Variants in TYW3 observed in about 807,000 individuals in gnomAD.
TYW3 encodes tRNA-yW synthesizing protein 3 homolog, also known as tRNA wybutosine-synthesizing protein 3 homolog.
Under a neutral mutation model 23.1 loss-of-function variants are expected in TYW3, and 26 were observed. The ratio of observed to expected loss-of-function variants is 1.13; its 90% CI spans 0.83 to 1.56. TYW3 has a LOEUF of 1.56. Ranked by LOEUF, TYW3 falls within the 40% of genes most tolerant of loss-of-function variation. The probability of loss-of-function intolerance (pLI) is 0.00; values close to 1 mark genes in which losing one functional copy is unlikely to be tolerated. For synonymous variants in TYW3, 102 were observed against 105.7 expected (o/e 0.97, Z 0.21); for missense variants, 316 against 311.9 (o/e 1.01, Z -0.10).
chr1:74,743,702 G>A (rs1233232181), intron 3 of TYW3, among the ~76,000 whole-genome samples: 1 of 152,174 alleles, frequency 6.6e-6, no homozygotes, highest in Non-Finnish European at 1.5e-5. Context: ...GAGCCATACT[G>A]GGGATGGCTT....
At chr1:74,753,059 GT>G (rs1648843489) in intron 5 of TYW3, among the ~76,000 whole-genome samples, 1 of 152,188 alleles carries the variant, frequency 6.6e-6, no homozygotes, top group South Asian at 2.1e-4. Flanking sequence ...CAAGAATAAA[GT>G]TTATATATAA....
chr1:74,733,278 G>T lies in TYW3; in HGVS notation c.34G>T (p.Ala12Ser), dbSNP rs989805569. Residue 12 changes from alanine to serine, a missense_variant, in exon 1 of 6, where the codon GCG (alanine) becomes TCG (serine). Physicochemically the swap from Ala to Ser is moderately conservative, Grantham distance 99. Transcript: ENST00000370867. ...DRSAEFRKWKAQCLSKADLSR... is the reference protein window; with the variant it reads ...DRSAEFRKWKSQCLSKADLSR... Reference sequence around the variant, plus strand: ...CAGCGCGGAGTTCAGGAAATGGAAGGCGCAATGTTTGAGCAAAGCGGACCT... The same window carrying T: ...CAGCGCGGAGTTCAGGAAATGGAAGTCGCAATGTTTGAGCAAAGCGGACCT... The T allele has an allele frequency of 6.2e-7, 1 of 1,614,068 alleles. No homozygotes were observed. The highest frequency in any genetic ancestry group is 1.3e-5 in the African/African-American group (1 of 74,934).
At chr1:74,742,373 C>T (rs1648392561) in intron 3 of TYW3, among the ~76,000 whole-genome samples, 1 of 152,140 alleles carries the variant, frequency 6.6e-6, no homozygotes, top group African/African-American at 2.4e-5. Context: ...AAGTATTTTC[C>T]ACTGGCTGGC....
At chr1:74,736,461 G>A (rs1477644831) in intron 1 of TYW3, 81 bp from the exon 2 acceptor site, 9 of 930,706 alleles carry the variant, frequency 9.7e-6, no homozygotes, top group Non-Finnish European at 1.4e-5. Context: ...ATTTAAGAAA[G>A]CCTACAATAT....
intron 3 of TYW3, among the ~76,000 whole-genome samples, chr1:74,743,080 G>A (rs1390038354): frequency 6.6e-6 from 1 of 152,166 alleles, no homozygotes; most frequent in African/African-American, 2.4e-5. Flanking sequence ...CTCAGAGAAC[G>A]TTTGTTCTCT....
intron 3 of TYW3, among the ~76,000 whole-genome samples, chr1:74,744,136 G>A (rs1472119940): frequency 6.6e-6 from 1 of 152,136 alleles, no homozygotes; most frequent in Non-Finnish European, 1.5e-5. Context: ...TTAATAGGAA[G>A]GGGAGCTATA....
At chr1:74,754,204 G>A (rs1464834781) in intron 5 of TYW3, among the ~76,000 whole-genome samples, 3 of 152,090 alleles carry the variant, frequency 2.0e-5, no homozygotes, top group African/African-American at 7.2e-5. Context: ...ATTTTAACAA[G>A]CTTATAAATA....
At position 74,766,491 on chromosome 1, in the gene TYW3, AT is replaced by A. The variant is rs1396761595; in HGVS notation, c.*2379del. 1 of 151,938 alleles carries A rather than the reference AT, an allele frequency of 6.6e-6. No individual in the cohort carries two copies. The highest frequency in any genetic ancestry group is 1.5e-5 in the Non-Finnish European group (1 of 67,980). The allele number at this position is 151,938 out of a possible 1,614,324, so 9.4% of individuals were successfully genotyped here. On this transcript the variant is annotated 3_prime_UTR_variant, in exon 6 of 6. Transcript: ENST00000370867. ...AGTTTTTCACAAAAAGGTTTTTCCA[AT>A]GTTAAAAAAAATATATAAAAAAGCT...
chr1:74,755,339 G>A (rs188738797), intron 5 of TYW3, among the ~76,000 whole-genome samples: 42 of 152,158 alleles, frequency 2.8e-4, no homozygotes, highest in Admixed American at 1.8e-3. Flanking sequence ...ACTAACTCTC[G>A]ATTCCTCGTA....
rs530066554 is a variant in TYW3 at position 74,756,784 on chromosome 1, C to G, written c.560+4359C>G. ...GGAAAATGTCTCTAGGGCATGTCAG[C>G]GGTCTTCACAGCAGTCCCTCCCATC... On this transcript the variant is annotated intron_variant, in intron 5 of 5. Coordinates refer to ENST00000370867, the MANE Select transcript of TYW3 (RefSeq NM_138467.3). Among the ~76,000 whole-genome samples, 5 of 152,334 alleles carry G rather than the reference C, an allele frequency of 3.3e-5. No individual in the cohort carries two copies. The East Asian group carries it at 9.7e-4, about 29-fold the overall frequency.
chr1:74,747,284 G>A (rs529013398), intron 3 of TYW3, among the ~76,000 whole-genome samples: 85 of 152,244 alleles, frequency 5.6e-4, no homozygotes, highest in African/African-American at 1.8e-3. Context: ...AGAAAGCATC[G>A]GGGCTATCTA....
chr1:74,757,436 C>A (rs1410431608), intron 5 of TYW3, among the ~76,000 whole-genome samples: 1 of 152,210 alleles, frequency 6.6e-6, no homozygotes, highest in Non-Finnish European at 1.5e-5. Flanking sequence ...CAAAGGAGAT[C>A]ATTTTGGAGC....
intron 3 of TYW3, among the ~76,000 whole-genome samples, chr1:74,742,321 C>T (rs556970491): frequency 7.9e-5 from 12 of 152,278 alleles, no homozygotes; most frequent in East Asian, 5.8e-4. Context: ...CCATTTGATG[C>T]GTGTTTTCAA....
Position 74,748,814 on chromosome 1 carries a change from A to G in TYW3, c.418A>G (p.Thr140Ala), listed in dbSNP as rs774095411. ...CATAACGGTGGGAAAGAGAGGAAAA[A>G]CTATGTTGGTAAGATATTTTGTCAA... is the stretch of plus-strand genomic sequence containing the variant. ...SGITVGKRGK[T>A]MLAVRSTHGL... is the part of the protein sequence containing the mutation. The change falls in exon 4 of 6, where the codon ACT becomes GCT. Residue 140 changes from threonine to alanine, a missense_variant. Thr to Ala is a moderately conservative substitution (Grantham distance 58). Transcript: ENST00000370867. The G allele has an allele frequency of 1.4e-5, 23 of 1,613,806 alleles. No individual in the cohort carries two copies. The highest frequency in any genetic ancestry group is 1.8e-5 in the Non-Finnish European group (21 of 1,179,890).
chr1:74,739,501 G>A (rs1304035448), intron 3 of TYW3, among the ~76,000 whole-genome samples: 1 of 152,228 alleles, frequency 6.6e-6, no homozygotes, highest in Non-Finnish European at 1.5e-5. Context: ...AAGACTTAAA[G>A]GAACAGAAAG....
Position 74,738,715 on chromosome 1 carries a change from G to A in TYW3, c.281G>A (p.Gly94Asp). 1 of 1,608,706 alleles carries A rather than the reference G, an allele frequency of 6.2e-7. No individual in the cohort carries two copies. The highest frequency in any genetic ancestry group is 8.5e-7 in the Non-Finnish European group (1 of 1,176,018). ...DVIVALKKAN[G>D]DATLKFEPFV... is the part of the protein sequence containing the mutation. ...ATTGTAGCTCTGAAGAAAGCAAATGGTGATGCCACTTTGAAATTTGAACCA... is the reference window on the plus strand; with the variant it reads ...ATTGTAGCTCTGAAGAAAGCAAATGATGATGCCACTTTGAAATTTGAACCA... The change falls in exon 3 of 6, where the codon GGT becomes GAT. Residue 94 changes from glycine to aspartate, a missense_variant. Gly to Asp is a moderately conservative substitution (Grantham distance 94, BLOSUM62 -1). Coordinates refer to ENST00000370867, the MANE Select transcript of TYW3 (RefSeq NM_138467.3).
intron 5 of TYW3, among the ~76,000 whole-genome samples, chr1:74,756,028 C>T (rs191905683): frequency 2.9e-4 from 44 of 152,334 alleles, no homozygotes; most frequent in African/African-American, 9.9e-4. Context: ...GTTCTCTTCA[C>T]TTGCCTGCTG....
chr1:74,748,298 C>A (rs1648658775), intron 3 of TYW3, among the ~76,000 whole-genome samples: 1 of 152,212 alleles, frequency 6.6e-6, no homozygotes, highest in Admixed American at 6.5e-5. Flanking sequence ...ACAAAGTCAC[C>A]TCAGTCAGAT....
chr1:74,739,726 G>A (rs552463341), intron 3 of TYW3, among the ~76,000 whole-genome samples: 18 of 152,188 alleles, frequency 1.2e-4, no homozygotes, highest in Non-Finnish European at 2.5e-4. Flanking sequence ...GGCTTTCTAG[G>A]TTTTTGTTCT....
Sources: gnomAD v4.1 joint callset for allele counts (sites outside exome capture counted in the v4.1 genomes callset) on GRCh38, gnomAD v4.1.1 for gene constraint, MANE v1.5 for transcripts, NCBI Gene and HGNC (gene_info 2026-07-23, HGNC 2026-07-21) for gene names.